CMPK1: variants seen among roughly 807,000 people sequenced by gnomAD.
CMPK1 encodes UMP-CMP kinase.
Under a neutral mutation model 25.7 loss-of-function variants are expected in CMPK1, and 10 were observed. The ratio of observed to expected loss-of-function variants is 0.39; its 90% CI spans 0.24 to 0.66. CMPK1 has a LOEUF of 0.66. Among genes scored for constraint, CMPK1 ranks in the 30% least tolerant of loss-of-function variants. CMPK1 has a pLI of 0.48. For synonymous variants in CMPK1, 106 were observed against 101.5 expected (o/e 1.04, Z -0.27); for missense variants, 199 against 280.5 (o/e 0.71, Z 2.08).
At chr1:47,343,860 C>T (rs1311840025) in intron 1 of CMPK1, among the ~76,000 whole-genome samples, 1 of 151,026 alleles carries the variant, frequency 6.6e-6, no homozygotes, top group Non-Finnish European at 1.5e-5. Flanking sequence ...GCACTCCAGC[C>T]TGGATGACAG....
At chr1:47,372,878 C>G in intron 2 of CMPK1, 77 bp from the exon 3 acceptor site, 1 of 1,021,804 alleles carries the variant, frequency 9.8e-7, no homozygotes, top group Non-Finnish European at 1.4e-6. Flanking sequence ...AATAAAACAC[C>G]CATGTATACA....
At chr1:47,345,457 G>A (rs1410641705) in intron 1 of CMPK1, among the ~76,000 whole-genome samples, 1 of 150,960 alleles carries the variant, frequency 6.6e-6, no homozygotes, top group Admixed American at 6.6e-5. Flanking sequence ...ATAGAAATTA[G>A]GATAAAAAAT....
chr1:47,334,540 G>C (rs1646381911), intron 1 of CMPK1, among the ~76,000 whole-genome samples: 1 of 152,230 alleles, frequency 6.6e-6, no homozygotes, highest in African/African-American at 2.4e-5. Flanking sequence ...TTGTCTGAAG[G>C]AGAGACCTAT....
At chr1:47,375,853 A>T (rs888891688) in intron 5 of CMPK1, among the ~76,000 whole-genome samples, 2 of 152,150 alleles carry the variant, frequency 1.3e-5, no homozygotes, top group Non-Finnish European at 2.9e-5. Flanking sequence ...TCTCTTAAGG[A>T]ACCTAACCTC....
chr1:47,347,150 C>G (rs967538261), intron 1 of CMPK1, among the ~76,000 whole-genome samples: 2 of 145,286 alleles, frequency 1.4e-5, no homozygotes, highest in Non-Finnish European at 3.0e-5. Flanking sequence ...CTCCTTCCCT[C>G]CCTCCCTCCC....
intron 1 of CMPK1, among the ~76,000 whole-genome samples, chr1:47,348,877 A>G (rs1047882816): frequency 1.3e-5 from 2 of 152,128 alleles, no homozygotes; most frequent in African/African-American, 2.4e-5. Flanking sequence ...CTTGGTGCCT[A>G]CTGGGAGTAT....
intron 1 of CMPK1, among the ~76,000 whole-genome samples, chr1:47,350,392 G>A (rs1646514602): frequency 6.6e-6 from 1 of 152,038 alleles, no homozygotes; most frequent in Non-Finnish European, 1.5e-5. Flanking sequence ...GCTACTTGGG[G>A]CCAATTTATG....
At chr1:47,341,748 C>T (rs1300959815) in intron 1 of CMPK1, among the ~76,000 whole-genome samples, 1 of 151,704 alleles carries the variant, frequency 6.6e-6, no homozygotes, top group East Asian at 1.9e-4. Context: ...AAGCGATTCT[C>T]ATGTCTCAGC....
intron 1 of CMPK1, among the ~76,000 whole-genome samples, chr1:47,337,056 G>A (rs917634697): frequency 6.6e-6 from 1 of 152,120 alleles, no homozygotes; most frequent in East Asian, 1.9e-4. Flanking sequence ...AGGCCCAGGC[G>A]GGTGGATCAC....
chr1:47,372,500 A>G (rs1438829554), intron 2 of CMPK1, among the ~76,000 whole-genome samples: 1 of 152,244 alleles, frequency 6.6e-6, no homozygotes, highest in African/African-American at 2.4e-5. Context: ...ACTTTCCACT[A>G]TAGCAAAACG....
chr1:47,334,598 A>G (rs1646382696), intron 1 of CMPK1, among the ~76,000 whole-genome samples: 1 of 152,118 alleles, frequency 6.6e-6, no homozygotes, highest in South Asian at 2.1e-4. Context: ...CCGCACTGTC[A>G]CCGAACGTGT....
intron 1 of CMPK1, among the ~76,000 whole-genome samples, chr1:47,365,176 C>G (rs1646630666): frequency 6.6e-6 from 1 of 151,826 alleles, no homozygotes; most frequent in Non-Finnish European, 1.5e-5. Context: ...GTGGCAATTT[C>G]TAATTGCCAC....
intron 1 of CMPK1, among the ~76,000 whole-genome samples, chr1:47,363,984 A>G (rs1034425530): frequency 2.0e-5 from 3 of 152,112 alleles, no homozygotes; most frequent in Non-Finnish European, 4.4e-5. Context: ...AGACTTACAT[A>G]AAGTGTTGCT....
At chr1:47,359,798 C>T (rs1646589501) in intron 1 of CMPK1, among the ~76,000 whole-genome samples, 2 of 152,094 alleles carry the variant, frequency 1.3e-5, no homozygotes, top group Non-Finnish European at 2.9e-5. Flanking sequence ...AGGTGTGAGC[C>T]ACCACACCCA....
Position 47,378,151 on chromosome 1 carries a change from CATTT to C in CMPK1, c.*1411_*1414del, listed in dbSNP as rs1437349280. ...GGATGTTTTTATATTTTAATAGAAT[CATTT>C]ATTTCTATGTGTTATGAAATTCACT... On this transcript the variant is annotated 3_prime_UTR_variant, in exon 6 of 6. Transcript: ENST00000371873. The C allele has an allele frequency of 2.0e-5, 3 of 152,118 alleles. No homozygotes were observed. The highest frequency in any genetic ancestry group is 4.8e-5 in the African/African-American group (2 of 41,434). 9.4% of individuals were successfully genotyped at this position (152,118 alleles called of 1,614,324 possible). A position where few individuals can be genotyped will look rare whatever the true frequency, so the allele number is the denominator to read the frequency against.
At chr1:47,338,933 T>A (rs1646419587) in intron 1 of CMPK1, among the ~76,000 whole-genome samples, 1 of 152,158 alleles carries the variant, frequency 6.6e-6, no homozygotes, top group African/African-American at 2.4e-5. Flanking sequence ...CATGCATTAG[T>A]TGGAAGAAAT....
At chr1:47,334,226 G>T in intron 1 of CMPK1, 110 bp downstream of exon 1, 1 of 1,059,530 alleles carries the variant, frequency 9.4e-7, no homozygotes, top group East Asian at 3.7e-5. Context: ...CAGACTACGA[G>T]TCCCGGCGGC....
chr1:47,365,269 A>C (rs762396601), intron 1 of CMPK1, among the ~76,000 whole-genome samples: 2 of 61,604 alleles, frequency 3.2e-5, no homozygotes, highest in African/African-American at 4.9e-5. Context: ...TACCCTGAAG[A>C]TCTTTTTTTT....
At chr1:47,335,209 G>A (rs749973598) in intron 1 of CMPK1, among the ~76,000 whole-genome samples, 2 of 152,124 alleles carry the variant, frequency 1.3e-5, no homozygotes, top group Admixed American at 6.6e-5. Flanking sequence ...GCCAATATTA[G>A]CATGGGGCTT....
Sources: allele counts gnomAD v4.1 joint callset (sites outside exome capture counted in the v4.1 genomes callset), GRCh38; gene constraint gnomAD v4.1.1; transcripts MANE v1.5; gene names NCBI Gene and HGNC (gene_info 2026-07-23, HGNC 2026-07-21).